Variants in LRP1B observed in about 807,000 individuals in gnomAD.
The protein encoded by LRP1B is LDL receptor related protein 1B.
Under a neutral mutation model 556.6 loss-of-function variants are expected in LRP1B, and 217 were observed. The ratio of observed to expected loss-of-function variants is 0.39; its 90% CI spans 0.35 to 0.44. LRP1B has a LOEUF of 0.44. LRP1B is among the 20% of genes least tolerant of loss of function. LRP1B has a pLI of 1.00. For synonymous variants in LRP1B, 2,047 were observed against 1,865.8 expected, an observed-to-expected ratio of 1.10 and a Z score of -2.50; for missense variants, 5,053 against 5,620.8, an observed-to-expected ratio of 0.90 and a Z score of 3.23.
rs568675105 is a variant in LRP1B at position 140,617,346 on chromosome 2, C to T, written c.6800-15707G>A. The stretch of plus-strand genomic sequence containing the variant: ...AAAGGTGATACCTGCAAAACAGAAA[C>T]TCAACTGCGTTTTGCTAAGTTAGTA... On this transcript the variant is annotated intron_variant, in intron 41 of 90. Transcript: ENST00000389484. 7.2e-5 allele frequency among the ~76,000 whole-genome samples: 11 copies of T among 151,990 alleles called. No individual in the cohort carries two copies. The South Asian group carries it at 2.3e-3, about 32-fold the overall frequency.
intron 43 of LRP1B, among the ~76,000 whole-genome samples, chr2:140,570,585 CT>C (rs1393342157): frequency 6.6e-6 from 1 of 151,666 alleles, no homozygotes; most frequent in Non-Finnish European, 1.5e-5. Flanking sequence ...CAGTTGAATT[CT>C]ACCAAACATT....
intron 66 of LRP1B, among the ~76,000 whole-genome samples, chr2:140,392,230 T>C (rs1203304513): frequency 1.3e-5 from 2 of 152,076 alleles, no homozygotes; most frequent in African/African-American, 4.8e-5. Context: ...TTACACTGCA[T>C]ACCTCCCTCA....
chr2:140,439,576 A>G (rs1686336081), intron 66 of LRP1B, among the ~76,000 whole-genome samples: 1 of 152,154 alleles, frequency 6.6e-6, no homozygotes, highest in Admixed American at 6.6e-5. Context: ...TGCCAAATGT[A>G]TATTTTTACA....
chr2:141,049,008 C>T lies in LRP1B; in HGVS notation c.1767G>A (p.Glu589=). 3.7e-6 allele frequency: 6 copies of T among 1,613,170 alleles called. No homozygotes were observed. Among genetic ancestry groups the T allele is most frequent in the Non-Finnish European group, 5.1e-6 (6 of 1,179,388 alleles). Residue 589 remains glutamate, a synonymous_variant, in exon 11 of 91, where the codon GAG becomes GAA. Transcript: ENST00000389484. ...TACCATCTTTCAGGATGGTTTCTCT[C>T]TCTGTGCCATCTATCTTCTGCCGGC... ...LIGRQKIDGT[E]RETILKDDLD...
At chr2:141,504,452 T>C (rs1484586943) in intron 2 of LRP1B, among the ~76,000 whole-genome samples, 3 of 152,160 alleles carry the variant, frequency 2.0e-5, no homozygotes, top group Non-Finnish European at 4.4e-5. Flanking sequence ...CATATGCTAA[T>C]TGATGAAATC....
intron 2 of LRP1B, 118 bp downstream of exon 2, chr2:141,810,160 AG>A: frequency 2.3e-6 from 1 of 443,526 alleles, no homozygotes; most frequent in Non-Finnish European, 3.1e-6. Flanking sequence ...AAAGAAAGAA[AG>A]AAAGAAGGAA....
At chr2:141,012,108 A>G (rs1479099603) in intron 14 of LRP1B, among the ~76,000 whole-genome samples, 1 of 151,972 alleles carries the variant, frequency 6.6e-6, no homozygotes, top group East Asian at 1.9e-4. Context: ...CCAAAGTTTT[A>G]AAAGGAGATG....
At chr2:140,626,578 T>C (rs1683668138) in intron 41 of LRP1B, among the ~76,000 whole-genome samples, 1 of 151,758 alleles carries the variant, frequency 6.6e-6, no homozygotes, top group South Asian at 2.1e-4. Context: ...TCAAACAATG[T>C]AGTGGAAGAT....
chr2:140,266,815 C>G (rs971693652), intron 86 of LRP1B, among the ~76,000 whole-genome samples: 1 of 151,956 alleles, frequency 6.6e-6, no homozygotes, highest in Non-Finnish European at 1.5e-5. Flanking sequence ...TCCCAGAGCA[C>G]TTTGGTTGTA....
chr2:142,125,786 C>A (rs936841544), intron 1 of LRP1B, among the ~76,000 whole-genome samples: 1 of 151,660 alleles, frequency 6.6e-6, no homozygotes, highest in Non-Finnish European at 1.5e-5. Context: ...TAAAAAGCAT[C>A]CCTTGACATT....
intron 86 of LRP1B, among the ~76,000 whole-genome samples, chr2:140,255,649 T>G (rs1681640709): frequency 6.6e-6 from 1 of 152,190 alleles, no homozygotes; most frequent in Admixed American, 6.5e-5. Flanking sequence ...ACTTGCTGTT[T>G]GACAAATGAA....
At chr2:140,803,253 A>G (rs1381735447) in intron 32 of LRP1B, among the ~76,000 whole-genome samples, 2 of 119,404 alleles carry the variant, frequency 1.7e-5, no homozygotes, top group Middle Eastern at 0.01. Context: ...TATTAGTCCT[A>G]TTGAAAGTTT....
intron 41 of LRP1B, among the ~76,000 whole-genome samples, chr2:140,685,056 A>G (rs1686001530): frequency 6.6e-6 from 1 of 152,198 alleles, no homozygotes; most frequent in Non-Finnish European, 1.5e-5. Flanking sequence ...TGTATCAGTC[A>G]TGTGCAAATA....
intron 2 of LRP1B, among the ~76,000 whole-genome samples, chr2:141,693,801 C>T (rs1435913720): frequency 6.6e-6 from 1 of 152,044 alleles, no homozygotes; most frequent in Non-Finnish European, 1.5e-5. Flanking sequence ...ATTCACTCTG[C>T]TTTTCCCACA....
At chr2:141,173,056 A>T (rs79608327) in intron 7 of LRP1B, among the ~76,000 whole-genome samples, 2 of 34,914 alleles carry the variant, frequency 5.7e-5, no homozygotes, top group South Asian at 8.1e-4. Flanking sequence ...CTTTAAAATT[A>T]AAAAAAAAAA....
At chr2:141,445,126 G>C (rs1681138815) in intron 3 of LRP1B, among the ~76,000 whole-genome samples, 1 of 152,096 alleles carries the variant, frequency 6.6e-6, no homozygotes, top group Non-Finnish European at 1.5e-5. Context: ...GTCTATTCAG[G>C]GATTTGACTT....
chr2:140,762,354 T>C (rs1177890358), intron 35 of LRP1B, among the ~76,000 whole-genome samples: 1 of 152,156 alleles, frequency 6.6e-6, no homozygotes, highest in Non-Finnish European at 1.5e-5. Context: ...AGTTTAATAT[T>C]AAAATAAAAA....
intron 2 of LRP1B, among the ~76,000 whole-genome samples, chr2:141,553,920 T>A (rs1339539255): frequency 7.3e-6 from 1 of 136,522 alleles, no homozygotes; most frequent in Non-Finnish European, 1.5e-5. Flanking sequence ...ATATAATATA[T>A]CTATATTAAT....
At chr2:140,614,383 A>AT (rs201443638) in intron 41 of LRP1B, among the ~76,000 whole-genome samples, 1 of 151,838 alleles carries the variant, frequency 6.6e-6, no homozygotes, top group Non-Finnish European at 1.5e-5. Flanking sequence ...TACTGAGTAA[A>AT]TTTTTTTTCT....
Sources: allele counts gnomAD v4.1 joint callset (sites outside exome capture counted in the v4.1 genomes callset), GRCh38; gene constraint gnomAD v4.1.1; transcripts MANE v1.5; gene names NCBI Gene and HGNC (gene_info 2026-07-23, HGNC 2026-07-21).